The following RGS7BP variants were observed in gnomAD, a reference collection of about 807,000 sequenced individuals.
The protein encoded by RGS7BP is regulator of G protein signaling 7-binding protein.
Under a neutral mutation model 31.3 loss-of-function variants are expected in RGS7BP, and 9 were observed. That is an observed-to-expected ratio of 0.29 (90% CI 0.17 to 0.50). RGS7BP has a LOEUF of 0.50. Among genes scored for constraint, RGS7BP ranks in the 20% least tolerant of loss-of-function variants. The pLI is 0.98. For missense variants in RGS7BP, 274 were observed against 322.0 expected, an observed-to-expected ratio of 0.85 and a Z score of 1.14; for synonymous variants, 115 against 120.1, an observed-to-expected ratio of 0.96 and a Z score of 0.28.
Position 64,575,782 on chromosome 5 carries a change from A to G in RGS7BP, c.341A>G (p.Asp114Gly). The G allele has an allele frequency of 6.2e-7, 1 of 1,609,656 alleles. No individual in the cohort carries two copies. Among genetic ancestry groups the G allele is most frequent in the Non-Finnish European group, 8.5e-7 (1 of 1,178,338 alleles). ...CTTTCATTCTGTTGCAGCCCGGAAG[A>G]TGGTGAGATCCATCCAGAAATCTGT... The part of the protein sequence containing the change: ...QKLAAISGPE[D>G]GEIHPEICRL... Residue 114 changes from aspartate (D) to glycine (G), a missense_variant, in exon 3 of 6, where the codon GAT (aspartate) becomes GGT (glycine). Asp to Gly is a moderately conservative substitution (Grantham distance 94). Around this residue, in one of 3 missense-constraint regions of RGS7BP, gnomAD observed 149 missense variants for 152.6 expected, o/e 0.98. Transcript: ENST00000334025.
chr5:64,540,375 TC>T (rs1741497447), intron 2 of RGS7BP, among the ~76,000 whole-genome samples: 1 of 152,210 alleles, frequency 6.6e-6, no homozygotes, highest in South Asian at 2.1e-4. Context: ...AACTTTGTTT[TC>T]TTTTTTTTAA....
intron 2 of RGS7BP, among the ~76,000 whole-genome samples, chr5:64,536,576 A>C (rs571472897): frequency 5.3e-5 from 8 of 152,200 alleles, no homozygotes; most frequent in Non-Finnish European, 1.2e-4. Flanking sequence ...AAAATGTATC[A>C]ATAACATAGA....
intron 5 of RGS7BP, among the ~76,000 whole-genome samples, chr5:64,600,118 A>C (rs1743181181): frequency 6.6e-6 from 1 of 152,206 alleles, no homozygotes; most frequent in Non-Finnish European, 1.5e-5. Flanking sequence ...TGCAATTCAA[A>C]GCATTGGCCC....
rs1743473694 is a variant in RGS7BP, at chr5:64,610,484, T to G, written c.*1232T>G. 1 of 151,932 alleles carries G rather than the reference T, an allele frequency of 6.6e-6. No homozygotes were observed. Among genetic ancestry groups the G allele is most frequent in the African/African-American group, 2.4e-5 (1 of 41,408 alleles). The allele number at this position is 151,932 out of a possible 1,614,324, so 9.4% of individuals were successfully genotyped here. A position where few individuals can be genotyped will look rare whatever the true frequency, so the allele number is the denominator to read the frequency against. The stretch of plus-strand genomic sequence containing the variant: ...AGAGATCAAGTCTTTGCACTTTTTT[T>G]CTTGTTTTCCATAGTCTGAAAAACC... On this transcript the variant is annotated 3_prime_UTR_variant, in exon 6 of 6. Transcript: ENST00000334025.
chr5:64,551,692 G>A (rs180761858), intron 2 of RGS7BP, among the ~76,000 whole-genome samples: 1 of 150,330 alleles, frequency 6.7e-6, no homozygotes, highest in East Asian at 1.9e-4. Flanking sequence ...TTTTAGGTCT[G>A]GAAAACACAG....
At position 64,568,016 on chromosome 5, in the gene RGS7BP, A is replaced by T. The variant is rs547189008; in HGVS notation, c.333-7758A>T. 2.9e-4 allele frequency among the ~76,000 whole-genome samples: 44 copies of T among 152,132 alleles called. No homozygotes were observed. The East Asian group carries it at 7.9e-3, about 27-fold the overall frequency. On this transcript the variant is annotated intron_variant, in intron 2 of 5. Coordinates refer to ENST00000334025, the MANE Select transcript of RGS7BP (RefSeq NM_001029875.3). ...AATATTTTGCAGATTAAAATGTGGA[A>T]ACCTGTATGTTTCTTTAATTCAAGT...
rs1255290343 is a variant in RGS7BP at position 64,506,513 on chromosome 5, C to A, written c.-112C>A. The stretch of plus-strand genomic sequence containing the variant: ...CAGCCAGCCCCAGCACTGTGAGCTG[C>A]GCGCCTCAGGTCCGGGCTCCGGCTG... On this transcript the variant is annotated 5_prime_UTR_variant, in exon 1 of 6. Coordinates refer to ENST00000334025, the MANE Select transcript of RGS7BP (RefSeq NM_001029875.3). The surrounding 1 kb of genome is among the most constrained non-coding windows in gnomAD (Gnocchi z 4.6). The A allele has an allele frequency of 3.4e-6, 3 of 890,948 alleles. No individual in the cohort carries two copies. The highest frequency in any genetic ancestry group is 2.6e-5 in the East Asian group (1 of 38,000). 55.2% of individuals were successfully genotyped at this position (890,948 alleles called of 1,614,324 possible).
intron 2 of RGS7BP, among the ~76,000 whole-genome samples, chr5:64,522,267 G>T (rs1055823958): frequency 6.6e-6 from 1 of 152,090 alleles, no homozygotes; most frequent in African/African-American, 2.4e-5. Flanking sequence ...CCCCAAGTTG[G>T]GTCAGTTCCC....
chr5:64,576,004 T>C (rs1030415353), intron 3 of RGS7BP, 100 bp downstream of exon 3: 8 of 1,013,702 alleles, frequency 7.9e-6, no homozygotes, highest in Non-Finnish European at 1.1e-5. Context: ...CCTATCTATA[T>C]GCAATTACGA....
At position 64,506,565 on chromosome 5, in the gene RGS7BP, C is replaced by T; in HGVS notation, c.-60C>T. ...TTGGCGGCGGCGCCCAGGGCAACAA[C>T]CGGGCCGCCCGCGCCGGGGCGCACT... On this transcript the variant is annotated 5_prime_UTR_variant, in exon 1 of 6. Transcript: ENST00000334025. This position sits in a 1 kb window ranked among gnomAD's most constrained non-coding sequence, Gnocchi z 4.6. 6.6e-7 allele frequency: 1 copy of T among 1,506,208 alleles called. No individual in the cohort carries two copies. Among genetic ancestry groups the T allele is most frequent in the Non-Finnish European group, 9.0e-7 (1 of 1,110,698 alleles). The allele number at this position is 1,506,208 out of a possible 1,614,324, so 93.3% of individuals were successfully genotyped here.
chr5:64,528,816 A>C (rs962585156), intron 2 of RGS7BP, among the ~76,000 whole-genome samples: 2 of 147,666 alleles, frequency 1.4e-5, no homozygotes, highest in African/African-American at 5.0e-5. Context: ...ATCTCAAAAA[A>C]AAAAAAAAAA....
At position 64,597,076 on chromosome 5, in the gene RGS7BP, C is replaced by T. The variant is rs141230771; in HGVS notation, c.612-1289C>T. On this transcript the variant is annotated intron_variant, in intron 4 of 5. Coordinates refer to ENST00000334025, the MANE Select transcript of RGS7BP (RefSeq NM_001029875.3). ...ATCCTCAGTTAATTAAAGGATGCAT[C>T]TGCTTTTTGTACCAAATTATGTTCC... 2.6e-5 allele frequency among the ~76,000 whole-genome samples: 4 copies of T among 152,260 alleles called. No homozygotes were observed. In the East Asian group the frequency reaches 7.7e-4, roughly 29 times the overall value.
At chr5:64,543,825 T>C (rs541853713) in intron 2 of RGS7BP, among the ~76,000 whole-genome samples, 13 of 152,230 alleles carry the variant, frequency 8.5e-5, no homozygotes, top group Non-Finnish European at 1.5e-4. Context: ...CTATAAATAA[T>C]GAAAAGAAAA....
intron 3 of RGS7BP, among the ~76,000 whole-genome samples, chr5:64,583,945 G>A (rs2111924370): frequency 6.6e-6 from 1 of 152,240 alleles, no homozygotes; most frequent in Middle Eastern, 3.4e-3. Context: ...CTACTTGCCA[G>A]GTGCATTATA....
At chr5:64,565,985 TATA>T (rs1258312644) in intron 2 of RGS7BP, among the ~76,000 whole-genome samples, 2 of 152,072 alleles carry the variant, frequency 1.3e-5, no homozygotes, top group East Asian at 1.9e-4. Flanking sequence ...TCCAATTAGA[TATA>T]ATGTGTACAG....
At chr5:64,549,196 C>T (rs1252923549) in intron 2 of RGS7BP, among the ~76,000 whole-genome samples, 1 of 152,170 alleles carries the variant, frequency 6.6e-6, no homozygotes, top group African/African-American at 2.4e-5. Flanking sequence ...TGAAAACAGA[C>T]AAGTTATGTA....
Position 64,610,167 on chromosome 5 carries a change from A to C in RGS7BP, c.*915A>C, listed in dbSNP as rs2111992435. 2.0e-5 allele frequency: 3 copies of C among 152,612 alleles called. No homozygotes were observed. The Admixed American group carries it at 2.0e-4, about 10-fold the overall frequency. 9.5% of individuals were successfully genotyped at this position (152,612 alleles called of 1,614,324 possible). On this transcript the variant is annotated 3_prime_UTR_variant, in exon 6 of 6. Transcript: ENST00000334025. ...AGATTATAAAAATATTTAACATTTT[A>C]CATTGTTAATAAAGTTTTTTAGTTA...
chr5:64,540,822 A>G (rs959618593), intron 2 of RGS7BP, among the ~76,000 whole-genome samples: 1 of 152,172 alleles, frequency 6.6e-6, no homozygotes, highest in Admixed American at 6.5e-5. Context: ...GAGGGCTACA[A>G]AGAGCTGTGC....
intron 2 of RGS7BP, among the ~76,000 whole-genome samples, chr5:64,536,866 AT>A (rs1242461428): frequency 1.3e-5 from 2 of 152,208 alleles, no homozygotes; most frequent in African/African-American, 4.8e-5. Context: ...ATAAAAATTA[AT>A]TTGATGAGCT....
Sources: allele counts gnomAD v4.1 joint callset (sites outside exome capture counted in the v4.1 genomes callset), GRCh38; gene constraint gnomAD v4.1.1; regional missense constraint gnomAD v4.1.1; non-coding constraint Gnocchi (gnomAD v3.1); transcripts MANE v1.5; gene names NCBI Gene and HGNC (gene_info 2026-07-23, HGNC 2026-07-21).